LRBA: variants seen among roughly 807,000 people sequenced by gnomAD.
The protein encoded by LRBA is lipopolysaccharide-responsive and beige-like anchor protein.
In LRBA, 176 loss-of-function variants were observed where a neutral mutation model predicts 330.0. The ratio of observed to expected loss-of-function variants is 0.53; its 90% CI spans 0.47 to 0.60. LRBA has a LOEUF of 0.60. Among genes scored for constraint, LRBA ranks in the 20% least tolerant of loss-of-function variants. The pLI, the probability that LRBA is intolerant of heterozygous loss-of-function variation, is 0.00. For missense variants in LRBA, 3,259 were observed against 3,444.8 expected, an observed-to-expected ratio of 0.95 and a Z score of 1.35; for synonymous variants, 1,230 against 1,193.0, an observed-to-expected ratio of 1.03 and a Z score of -0.64.
chr4:150,627,239 T>C (rs140684540), intron 37 of LRBA, among the ~76,000 whole-genome samples: 2,597 of 151,950 alleles, frequency 0.017, 84 homozygotes, highest in African/African-American at 0.058. Flanking sequence ...ATGCAAATAA[T>C]AAAACTTCAA....
At chr4:150,514,987 G>A (rs1438770035) in intron 40 of LRBA, among the ~76,000 whole-genome samples, 4 of 151,860 alleles carry the variant, frequency 2.6e-5, no homozygotes, top group Non-Finnish European at 2.9e-5. Context: ...TTAAACTACC[G>A]TTGAAAAAAA....
At chr4:150,317,962 ATTGAG>A (rs1371831728) in intron 50 of LRBA, among the ~76,000 whole-genome samples, 2 of 152,178 alleles carry the variant, frequency 1.3e-5, no homozygotes, top group African/African-American at 4.8e-5. Flanking sequence ...TGTTAAGAAG[ATTGAG>A]TTAATACACA....
At position 150,900,157 on chromosome 4, in the gene LRBA, T is replaced by C. The variant is rs1210431710; in HGVS notation, c.1816A>G (p.Asn606Asp). Residue 606 changes from asparagine to aspartate, a missense_variant, in exon 14 of 57, where the codon AAC (asparagine) becomes GAC (aspartate). By Grantham distance (23) the Asn-to-Asp change is conservative (BLOSUM62 1). Transcript: ENST00000651943. ...ACTGTTCCAACTCTCCGAATGGTGT[T>C]ATATATGTTGACTGTACCAATGAAT... ...TEFIGTVNIY[N>D]TIRRVGTVLL... The C allele has an allele frequency of 6.2e-7, 1 of 1,612,908 alleles. No homozygotes were observed. Among genetic ancestry groups the C allele is most frequent in the Admixed American group, 1.7e-5 (1 of 59,978 alleles).
chr4:150,657,170 G>C (rs1780275174), intron 37 of LRBA, among the ~76,000 whole-genome samples: 2 of 152,164 alleles, frequency 1.3e-5, no homozygotes, highest in Non-Finnish European at 2.9e-5. Flanking sequence ...CAATCCATAA[G>C]ACAGACTTCC....
chr4:150,824,937 G>C (rs777605432), intron 30 of LRBA, among the ~76,000 whole-genome samples: 1 of 151,694 alleles, frequency 6.6e-6, no homozygotes, highest in South Asian at 2.1e-4. Flanking sequence ...ACCATGCCCA[G>C]CTAATCTTTT....
At chr4:150,280,103 TG>T (rs1215171354) in intron 55 of LRBA, among the ~76,000 whole-genome samples, 1 of 152,220 alleles carries the variant, frequency 6.6e-6, no homozygotes, top group Non-Finnish European at 1.5e-5. Context: ...ATGAATCAGA[TG>T]CCTCCCAAGG....
chr4:150,293,202 A>G (rs1002665895), intron 53 of LRBA, among the ~76,000 whole-genome samples: 2 of 152,188 alleles, frequency 1.3e-5, no homozygotes, highest in African/African-American at 2.4e-5. Flanking sequence ...ATTGATTACT[A>G]CAAAACATTC....
chr4:150,694,774 A>G (rs1244316153), intron 36 of LRBA, among the ~76,000 whole-genome samples: 1 of 152,068 alleles, frequency 6.6e-6, no homozygotes, highest in Non-Finnish European at 1.5e-5. Flanking sequence ...TTGTTTTAAT[A>G]GACTGGATAC....
At chr4:150,560,899 T>A (rs1384963459) in intron 40 of LRBA, among the ~76,000 whole-genome samples, 1 of 151,974 alleles carries the variant, frequency 6.6e-6, no homozygotes. Context: ...GGCAGGAGAA[T>A]CACTTGAACC....
intron 37 of LRBA, among the ~76,000 whole-genome samples, chr4:150,681,548 A>T (rs970207117): frequency 6.6e-6 from 1 of 152,208 alleles, no homozygotes; most frequent in Non-Finnish European, 1.5e-5. Flanking sequence ...AAATATAATG[A>T]CAAAGAAATA....
intron 37 of LRBA, among the ~76,000 whole-genome samples, chr4:150,635,808 T>C (rs148047846): frequency 3.9e-4 from 60 of 152,294 alleles, no homozygotes; most frequent in African/African-American, 1.4e-3. Flanking sequence ...GTAATCCTTA[T>C]AGCAAGATGA....
chr4:150,715,648 A>C (rs1728089308), intron 36 of LRBA, among the ~76,000 whole-genome samples: 1 of 152,328 alleles, frequency 6.6e-6, no homozygotes, highest in African/African-American at 2.4e-5. Context: ...GTGTGTGCAC[A>C]ATTGCCAAGT....
chr4:150,431,204 A>G (rs536120393), intron 46 of LRBA, among the ~76,000 whole-genome samples: 1 of 152,346 alleles, frequency 6.6e-6, no homozygotes, highest in South Asian at 2.1e-4. Flanking sequence ...TAAAACACAG[A>G]ATCTACTGGG....
intron 56 of LRBA, among the ~76,000 whole-genome samples, chr4:150,272,518 A>C (rs1294141269): frequency 1.3e-5 from 2 of 152,124 alleles, no homozygotes. Flanking sequence ...AACTCCTCCG[A>C]GCTAAAGGAT....
intron 47 of LRBA, among the ~76,000 whole-genome samples, chr4:150,390,732 CT>C (rs762389195): frequency 2.0e-4 from 30 of 152,096 alleles, no homozygotes; most frequent in South Asian, 4.1e-4. Context: ...CTTCTACCCC[CT>C]AATACCTTTA....
At chr4:150,758,785 G>A (rs1234323009) in intron 35 of LRBA, among the ~76,000 whole-genome samples, 2 of 152,052 alleles carry the variant, frequency 1.3e-5, no homozygotes, top group African/African-American at 4.8e-5. Context: ...ATGTTGCCCA[G>A]GCTGGTCTCA....
intron 37 of LRBA, among the ~76,000 whole-genome samples, chr4:150,601,021 C>A (rs1774059856): frequency 6.6e-6 from 1 of 152,178 alleles, no homozygotes; most frequent in African/African-American, 2.4e-5. Flanking sequence ...ATCAGTGCGG[C>A]AATCGGCACA....
chr4:150,357,076 G>A (rs1323519088), intron 47 of LRBA, among the ~76,000 whole-genome samples: 1 of 151,956 alleles, frequency 6.6e-6, no homozygotes, highest in Admixed American at 6.6e-5. Flanking sequence ...AGTTCAGCCT[G>A]AAAAGCAGAT....
chr4:150,945,345 T>C (rs181875640), intron 2 of LRBA, among the ~76,000 whole-genome samples: 7 of 152,318 alleles, frequency 4.6e-5, no homozygotes, highest in Non-Finnish European at 1.0e-4. Context: ...TATAACCAGC[T>C]GATGGCCATG....
Sources: allele counts gnomAD v4.1 joint callset (sites outside exome capture counted in the v4.1 genomes callset), GRCh38; gene constraint gnomAD v4.1.1; transcripts MANE v1.5; gene names NCBI Gene and HGNC (gene_info 2026-07-23, HGNC 2026-07-21).